The following HSPG2 variants were observed in gnomAD, a reference collection of about 807,000 sequenced individuals.
The protein encoded by HSPG2 is heparan sulfate proteoglycan 2.
HSPG2 carries 278 observed loss-of-function variants against 526.6 expected under a neutral mutation model. The observed-to-expected ratio is 0.53, with a 90% CI of 0.48 to 0.58. HSPG2 has a LOEUF of 0.58. Ranked by LOEUF, HSPG2 falls within the 20% of genes least tolerant of loss-of-function variation. The probability of loss-of-function intolerance (pLI) is 0.00; values close to 1 mark genes in which losing one functional copy is unlikely to be tolerated. For missense variants in HSPG2, 5,354 were observed against 6,099.5 expected, an observed-to-expected ratio of 0.88 and a Z score of 4.07; for synonymous variants, 2,465 against 2,555.4, an observed-to-expected ratio of 0.96 and a Z score of 1.07.
rs919695722 is a variant in HSPG2, at chr1:21,858,141, C to T, written c.5294-756G>A. On this transcript the variant is annotated intron_variant, in intron 42 of 96. Transcript: ENST00000374695. The surrounding 1 kb of genome is among the most constrained non-coding windows in gnomAD (Gnocchi z 4.2). Reference sequence around the variant, plus strand: ...GGAGTTGTCCACACTCGCTGCCTTCCCACCCATGTGTCGCCTCCTTCCAAT... The same window carrying T: ...GGAGTTGTCCACACTCGCTGCCTTCTCACCCATGTGTCGCCTCCTTCCAAT... Among the ~76,000 whole-genome samples the T allele has an allele frequency of 1.3e-5, 2 of 152,118 alleles. No homozygotes were observed. Among genetic ancestry groups the T allele is most frequent in the Admixed American group, 6.5e-5 (1 of 15,288 alleles).
At chr1:21,930,469 C>T (rs114778635) in intron 1 of HSPG2, among the ~76,000 whole-genome samples, 1 of 152,276 alleles carries the variant, frequency 6.6e-6, no homozygotes, top group African/African-American at 2.4e-5. Flanking sequence ...TTATTCTCTG[C>T]GGTAACCTCA....
At chr1:21,892,138 A>G (rs1572385119) in intron 3 of HSPG2, among the ~76,000 whole-genome samples, 1 of 152,228 alleles carries the variant, frequency 6.6e-6, no homozygotes, top group Non-Finnish European at 1.5e-5. Flanking sequence ...TGCACAGGAC[A>G]TTCTTGCTCT....
At position 21,878,200 on chromosome 1, in the gene HSPG2, C is replaced by T. The variant is rs748259811; in HGVS notation, c.2671G>A (p.Ala891Thr). Reference sequence around the variant, plus strand: ...GGCACGCGTACCTTACAGCGGCAGGCCTCCCCGGAGGTCCCCATGCTGCCA... The same window carrying T: ...GGCACGCGTACCTTACAGCGGCAGGTCTCCCCGGAGGTCCCCATGCTGCCA... ...ERGSMGTSGE[A>T]CRCKNNVVGR... The change falls in exon 21 of 97, where the codon GCC (alanine) becomes ACC (threonine). Residue 891 changes from alanine to threonine, a missense_variant. Ala to Thr is a moderately conservative substitution (Grantham distance 58). Coordinates refer to ENST00000374695, the MANE Select transcript of HSPG2 (RefSeq NM_005529.7). 1 of 1,612,658 alleles carries T rather than the reference C, an allele frequency of 6.2e-7. No individual in the cohort carries two copies. The highest frequency in any genetic ancestry group is 2.2e-5 in the East Asian group (1 of 44,882).
rs566851333 is a variant in HSPG2 at position 21,854,759 on chromosome 1, T to C, written c.6140A>G (p.Asp2047Gly). Residue 2047 changes from aspartate (D) to glycine (G), a missense_variant, in exon 49 of 97, where the codon GAT becomes GGT. Asp to Gly is a moderately conservative substitution (Grantham distance 94). Transcript: ENST00000374695. ...RIQVVVLSAS[D>G]ASPPPVKIES... Reference sequence around the variant, plus strand: ...AATCTTGACCGGCGGTGGGCTGGCATCTGAGGCTGGGGCCAGAGTAGGGGT... The same window carrying C: ...AATCTTGACCGGCGGTGGGCTGGCACCTGAGGCTGGGGCCAGAGTAGGGGT... The C allele has an allele frequency of 1.2e-6, 2 of 1,613,600 alleles. No individual in the cohort carries two copies. The highest frequency in any genetic ancestry group is 2.2e-5 in the East Asian group (1 of 44,854).
Position 21,875,006 on chromosome 1 carries a change from G to T in HSPG2, c.3303-4C>A. ...GTCCATGCTGATGCCAGAGACCCTG[G>T]GCGTGACAAGACCCAGCGTGAATAG... On this transcript the variant is annotated splice_region_variant and splice_polypyrimidine_tract_variant and intron_variant, in intron 25 of 96. Coordinates refer to ENST00000374695, the MANE Select transcript of HSPG2 (RefSeq NM_005529.7). 1 of 1,587,312 alleles carries T rather than the reference G, an allele frequency of 6.3e-7. No individual in the cohort carries two copies.
rs552160652 is a variant in HSPG2 at position 21,880,531 on chromosome 1, G to A, written c.2027C>T (p.Pro676Leu). 2.5e-5 allele frequency: 41 copies of A among 1,613,558 alleles called. No homozygotes were observed. The highest frequency in any genetic ancestry group is 3.3e-4 in the Middle Eastern group (2 of 6,062). Residue 676 changes from proline to leucine, a missense_variant, in exon 16 of 97, where the codon CCG becomes CTG. Transcript: ENST00000374695. ...CTGCAGCAGCTCCGCGCGCTGCACC[G>A]GCCGGCCAGACTCATGGACCCAGTG... ...EEHWVHESGRPVQRAELLQVL... is the reference protein window; with the variant it reads ...EEHWVHESGRLVQRAELLQVL...
In HSPG2 at chr1:21,834,767, G is replaced by A. The variant is rs375077989; in HGVS notation, c.10632C>T (p.His3544=). 9.9e-6 allele frequency: 16 copies of A among 1,614,032 alleles called. No individual in the cohort carries two copies. The highest frequency in any genetic ancestry group is 6.7e-5 in the African/African-American group (5 of 74,924). Reference sequence around the variant, plus strand: ...ACTGTCCCGCATCAGCCAGCTCTACGTGGGCGATCCTGACGACACCTCCGC... The same window carrying A: ...ACTGTCCCGCATCAGCCAGCTCTACATGGGCGATCCTGACGACACCTCCGC... ...VQSGGVVRIA[H]VELADAGQYR... The change falls in exon 77 of 97, where the codon CAC becomes CAT. Residue 3544 remains histidine, a synonymous_variant. Transcript: ENST00000374695.
At position 21,872,965 on chromosome 1, in the gene HSPG2, C is replaced by T; in HGVS notation, c.3888+32G>A. On this transcript the variant is annotated intron_variant, in intron 31 of 96. Coordinates refer to ENST00000374695, the MANE Select transcript of HSPG2 (RefSeq NM_005529.7). The surrounding 1 kb of genome is among the most constrained non-coding windows in gnomAD (Gnocchi z 5.5). ...GCAGGGTCTGGGCAGCGGGGCAGAG[C>T]AGGCCCCGCAGGGACAGGGATTCGG... 2 of 1,584,494 alleles carry T rather than the reference C, an allele frequency of 1.3e-6. No individual in the cohort carries two copies. The highest frequency in any genetic ancestry group is 1.7e-6 in the Non-Finnish European group (2 of 1,154,170).
chr1:21,851,494 CACCCAGGG>C, intron 55 of HSPG2, 44 bp downstream of exon 55: 1 of 1,611,798 alleles, frequency 6.2e-7, no homozygotes. Context: ...TAACCTCCGC[CACCCAGGG>C]ACCCGCTTCC....
At chr1:21,836,478 C>A (rs914088625) in intron 75 of HSPG2, among the ~76,000 whole-genome samples, 2 of 152,186 alleles carry the variant, frequency 1.3e-5, no homozygotes, top group Admixed American at 1.3e-4. Flanking sequence ...CCCACCACCA[C>A]ACCCAGTTAA....
At position 21,861,709 on chromosome 1, in the gene HSPG2, T is replaced by A. The variant is rs186399362; in HGVS notation, c.4955+48A>T. The A allele has an allele frequency of 7.0e-4, 1,070 of 1,522,518 alleles. 2 individuals are homozygous for A. The highest frequency in any genetic ancestry group is 1.9e-3 in the Admixed American group (111 of 59,508). 94.3% of individuals were successfully genotyped at this position (1,522,518 alleles called of 1,614,324 possible). On this transcript the variant is annotated intron_variant, in intron 39 of 96. Coordinates refer to ENST00000374695, the MANE Select transcript of HSPG2 (RefSeq NM_005529.7). ...ACCCTTTAAGGCTCTCACTTGGGAG[T>A]CCACCATTTGTCCTCCACCCTCCCC...
chr1:21,833,155 G>T, intron 80 of HSPG2, 113 bp downstream of exon 80: 1 of 892,374 alleles, frequency 1.1e-6, no homozygotes, highest in Non-Finnish European at 1.9e-6. Context: ...AGGGAGGGCT[G>T]AGGGATTGGG....
At chr1:21,924,732 C>T (rs953266753) in intron 1 of HSPG2, among the ~76,000 whole-genome samples, 3 of 152,036 alleles carry the variant, frequency 2.0e-5, no homozygotes, top group African/African-American at 7.2e-5. Context: ...CTTTCCCAAC[C>T]TTAACGACTC....
chr1:21,912,750 C>A (rs895393215), intron 1 of HSPG2, among the ~76,000 whole-genome samples: 2 of 152,130 alleles, frequency 1.3e-5, no homozygotes, highest in Admixed American at 6.5e-5. Context: ...GAGGCCGAGG[C>A]AGGCGGATTA....
chr1:21,838,763 T>C (rs1040912789), intron 74 of HSPG2, 62 bp downstream of exon 74: 1 of 1,573,810 alleles, frequency 6.4e-7, no homozygotes, highest in Non-Finnish European at 8.7e-7. Context: ...TCTGCCTAGC[T>C]GGGTCATCAA....
chr1:21,891,290 C>T (rs991464571), intron 3 of HSPG2, among the ~76,000 whole-genome samples: 6 of 152,362 alleles, frequency 3.9e-5, no homozygotes, highest in South Asian at 2.1e-4. Flanking sequence ...GCACTGACCT[C>T]GGCTCTGAGT....
At chr1:21,850,769 A>C (rs1476106636) in intron 55 of HSPG2, among the ~76,000 whole-genome samples, 1 of 152,186 alleles carries the variant, frequency 6.6e-6, no homozygotes, top group Non-Finnish European at 1.5e-5. Flanking sequence ...ACAATGAATA[A>C]CCTTACAAAT....
intron 1 of HSPG2, among the ~76,000 whole-genome samples, chr1:21,906,904 A>G (rs575896150): frequency 1.3e-5 from 2 of 152,256 alleles, no homozygotes; most frequent in East Asian, 3.9e-4. Flanking sequence ...GACGTAAGAT[A>G]TGCTCCCCAG....
In HSPG2 at chr1:21,884,422, C is replaced by T. The variant is rs1467850867; in HGVS notation, c.1654+106G>A. ...AGTGTTTCTTCAGCGACTCACATTC[C>T]TTCCCGAAACCTGGCCCCCTCTGTC... On this transcript the variant is annotated intron_variant, in intron 13 of 96. Coordinates refer to ENST00000374695, the MANE Select transcript of HSPG2 (RefSeq NM_005529.7). The T allele has an allele frequency of 6.8e-6, 10 of 1,461,626 alleles. No homozygotes were observed. In the Admixed American group the frequency reaches 1.2e-4, roughly 17 times the overall value. 90.5% of individuals were successfully genotyped at this position (1,461,626 alleles called of 1,614,324 possible). A position where few individuals can be genotyped will look rare whatever the true frequency, so the allele number is the denominator to read the frequency against.
Sources: allele counts gnomAD v4.1 joint callset (sites outside exome capture counted in the v4.1 genomes callset), GRCh38; gene constraint gnomAD v4.1.1; non-coding constraint Gnocchi (gnomAD v3.1); transcripts MANE v1.5; gene names NCBI Gene and HGNC (gene_info 2026-07-23, HGNC 2026-07-21).